Variants in NCOR1 observed in about 807,000 individuals in gnomAD.
NCOR1 encodes the protein nuclear receptor corepressor 1.
Under a neutral mutation model 288.1 loss-of-function variants are expected in NCOR1, and 63 were observed. The ratio of observed to expected loss-of-function variants is 0.22; its 90% confidence interval spans 0.18 to 0.27. The LOEUF is 0.27. NCOR1 is among the 10% of genes least tolerant of loss of function. The pLI is 1.00. For missense variants in NCOR1, 2,397 were observed against 3,019.2 expected (o/e 0.79, Z 4.83); for synonymous variants, 1,007 against 1,065.9 (o/e 0.94, Z 1.08).
At chr17:16,183,829 A>C (rs1258483600) in intron 3 of NCOR1, among the ~76,000 whole-genome samples, 2 of 152,316 alleles carry the variant, frequency 1.3e-5, no homozygotes, top group Middle Eastern at 3.4e-3. Flanking sequence ...TTCCTGATTT[A>C]AAATTGTACT....
chr17:16,087,146 C>G, intron 22 of NCOR1: 2 of 1,298,148 alleles, frequency 1.5e-6, no homozygotes, highest in Non-Finnish European at 2.0e-6. Context: ...TGGCCAGCAG[C>G]CACTGCACAG....
chr17:16,127,822 G>A (rs2074988769), intron 14 of NCOR1, among the ~76,000 whole-genome samples: 1 of 151,300 alleles, frequency 6.6e-6, no homozygotes, highest in Non-Finnish European at 1.5e-5. Context: ...GGGAGTGTTG[G>A]AACATATCCC....
chr17:16,196,009 TATATACAC>T (rs886308116), intron 1 of NCOR1, among the ~76,000 whole-genome samples: 5 of 151,460 alleles, frequency 3.3e-5, no homozygotes, highest in Non-Finnish European at 5.9e-5. Flanking sequence ...ACAAAAATTT[TATATACAC>T]ATATACACAC....
rs1315086903 is a variant in NCOR1, at chr17:16,062,128, A to G, written c.5364T>C (p.Asp1788=). Residue 1788 remains aspartate, a synonymous_variant, in exon 36 of 46, where the codon GAT becomes GAC. Transcript: ENST00000268712. ...TNGTSVITPL[D]PTAQLRIMPL... is the part of the protein sequence containing the mutation. ...ACATGATTCGTAGCTGAGCAGTTGG[A>G]TCCAAAGGTGTGATTACACTGGTTC... 3 of 1,612,544 alleles carry G rather than the reference A, an allele frequency of 1.9e-6. No homozygotes were observed. In the South Asian group the frequency reaches 3.3e-5, roughly 18 times the overall value.
chr17:16,135,209 A>AATC (rs2153231842), intron 14 of NCOR1, among the ~76,000 whole-genome samples: 1 of 151,976 alleles, frequency 6.6e-6, no homozygotes, highest in Non-Finnish European at 1.5e-5. Context: ...TTTAAAACAT[A>AATC]GATGGTCCCT....
rs772894442 is a variant in NCOR1 at position 16,108,927 on chromosome 17, A to T, written c.2056-15T>A. 1 of 1,541,698 alleles carries T rather than the reference A, an allele frequency of 6.5e-7. No individual in the cohort carries two copies. Among genetic ancestry groups the T allele is most frequent in the Non-Finnish European group, 8.7e-7 (1 of 1,148,334 alleles). On this transcript the variant is annotated splice_polypyrimidine_tract_variant and intron_variant, in intron 18 of 45. Transcript: ENST00000268712. ...TTTCGTGAAGTCTAAAGGAGGAAAGAGTATTATTTGATTTAAATAACTAAA... is the reference window on the plus strand; with the variant it reads ...TTTCGTGAAGTCTAAAGGAGGAAAGTGTATTATTTGATTTAAATAACTAAA...
intron 14 of NCOR1, among the ~76,000 whole-genome samples, chr17:16,127,707 G>GTGTGTATATATACATATATGTATATA (rs2074926424): frequency 7.8e-6 from 1 of 127,572 alleles, no homozygotes; most frequent in African/African-American, 3.0e-5. Context: ...ATGTATATAT[G>GTGTGTATATATACATATATGTATATA]TGTGTGTATA....
chr17:16,104,857 T>C (rs1167013586), intron 19 of NCOR1, among the ~76,000 whole-genome samples: 1 of 151,692 alleles, frequency 6.6e-6, no homozygotes. Context: ...GGTGAGGAGG[T>C]ATTATAGAAA....
intron 21 of NCOR1, among the ~76,000 whole-genome samples, chr17:16,096,314 AAAAT>A (rs1457419278): frequency 6.6e-6 from 1 of 152,210 alleles, no homozygotes; most frequent in African/African-American, 2.4e-5. Flanking sequence ...AAAAAAAAAT[AAAAT>A]AAAGAAAAGA....
chr17:16,207,164 T>C (rs1207355634), intron 1 of NCOR1, among the ~76,000 whole-genome samples: 2 of 152,180 alleles, frequency 1.3e-5, no homozygotes, highest in African/African-American at 4.8e-5. Flanking sequence ...TAAAAATGAA[T>C]TTAAAAATCT....
chr17:16,141,916 C>T (rs1206449137), intron 11 of NCOR1, among the ~76,000 whole-genome samples: 3 of 152,140 alleles, frequency 2.0e-5, no homozygotes, highest in African/African-American at 4.8e-5. Flanking sequence ...ATTATTTAAC[C>T]TGCAGCTGGG....
At chr17:16,201,427 C>T (rs1309442824) in intron 1 of NCOR1, among the ~76,000 whole-genome samples, 4 of 151,744 alleles carry the variant, frequency 2.6e-5, no homozygotes, top group African/African-American at 9.7e-5. Flanking sequence ...AACAAAACCC[C>T]GTCTACACTA....
At chr17:16,202,320 G>C (rs1392560008) in intron 1 of NCOR1, among the ~76,000 whole-genome samples, 2 of 150,606 alleles carry the variant, frequency 1.3e-5, no homozygotes, top group Admixed American at 1.3e-4. Context: ...AGAATCACTT[G>C]AACCTGGGAG....
At position 16,094,575 on chromosome 17, in the gene NCOR1, CCT is replaced by C. The variant is rs373769956; in HGVS notation, c.2821-2519_2821-2518del. 7.8e-4 allele frequency among the ~76,000 whole-genome samples: 119 copies of C among 152,228 alleles called. 2 individuals carry two copies. The East Asian group carries it at 0.018, about 23-fold the overall frequency. The stretch of plus-strand genomic sequence containing the variant: ...GGCTCCCCTCCCCTCTCCCCTCTCC[CCT>C]CTCTCCTCCCCTTTCCATGGTCTCC... On this transcript the variant is annotated intron_variant, in intron 21 of 45. Coordinates refer to ENST00000268712, the MANE Select transcript of NCOR1 (RefSeq NM_006311.4).
At chr17:16,037,881 C>T (rs1028420607) in intron 44 of NCOR1, among the ~76,000 whole-genome samples, 7 of 152,144 alleles carry the variant, frequency 4.6e-5, no homozygotes, top group Non-Finnish European at 7.3e-5. Flanking sequence ...GATCAGAGCC[C>T]AGGTCATCAG....
chr17:16,148,636 T>C (rs2078355346), intron 9 of NCOR1, among the ~76,000 whole-genome samples: 1 of 138,442 alleles, frequency 7.2e-6, no homozygotes. Context: ...TGAGCTAATT[T>C]CTTACTTGAT....
intron 1 of NCOR1, among the ~76,000 whole-genome samples, chr17:16,202,380 G>A (rs1415895347): frequency 3.4e-5 from 5 of 148,214 alleles, no homozygotes; most frequent in Non-Finnish European, 7.4e-5. Context: ...CAGGCTGGAC[G>A]ACAGAGCAAG....
At position 16,127,265 on chromosome 17, in the gene NCOR1, A is replaced by ATATGTATGTATATATACGTGTATATATG. The variant is rs1568193600; in HGVS notation, c.1510-1087_1510-1060dup. On this transcript the variant is annotated intron_variant, in intron 14 of 45. Coordinates refer to ENST00000268712, the MANE Select transcript of NCOR1 (RefSeq NM_006311.4). Reference sequence around the variant, plus strand: ...TATGTATGTATATATGTGTGTGTATATATGTATGTATATATACGTGTATAT... The same window carrying ATATGTATGTATATATACGTGTATATATG: ...TATGTATGTATATATGTGTGTGTATATATGTATGTATATATACGTGTATATATGTATGTATGTATATATACGTGTATAT... 2.6e-4 allele frequency among the ~76,000 whole-genome samples: 27 copies of ATATGTATGTATATATACGTGTATATATG among 103,958 alleles called. 7 individuals are homozygous for ATATGTATGTATATATACGTGTATATATG. Among genetic ancestry groups the ATATGTATGTATATATACGTGTATATATG allele is most frequent in the East Asian group, 1.7e-3 (8 of 4,810 alleles). The allele number at this position is 103,958 out of a possible 152,430, so 68.2% of individuals were successfully genotyped here. A position where few individuals can be genotyped will look rare whatever the true frequency, so the allele number is the denominator to read the frequency against.
rs141426950 is a variant in NCOR1, at chr17:16,083,051, T to G, written c.3178-2324A>C. 5.0e-3 allele frequency among the ~76,000 whole-genome samples: 754 copies of G among 152,178 alleles called. 8 individuals carry two copies. The highest frequency in any genetic ancestry group is 0.017 in the African/African-American group (706 of 41,524). ...ATCAAGACCATCCTGGCCAACATGG[T>G]GAAACCCCGTCTCTACTAAAAATAC... On this transcript the variant is annotated intron_variant, in intron 23 of 45. Transcript: ENST00000268712.
Sources: gnomAD v4.1 joint callset for allele counts (sites outside exome capture counted in the v4.1 genomes callset) on GRCh38, gnomAD v4.1.1 for gene constraint, MANE v1.5 for transcripts, NCBI Gene and HGNC (gene_info 2026-07-23, HGNC 2026-07-21) for gene names.